The following LRRC4C variants were observed in gnomAD, a reference collection of about 807,000 sequenced individuals.
LRRC4C encodes leucine rich repeat containing 4C.
In LRRC4C, 5 loss-of-function variants were observed where a neutral mutation model predicts 33.6. The observed-to-expected ratio is 0.15, with a 90% CI of 0.08 to 0.31. LRRC4C has a LOEUF of 0.31. LRRC4C is among the 10% of genes least tolerant of loss of function. The pLI is 1.00. For synonymous variants in LRRC4C, 329 were observed against 302.0 expected, an observed-to-expected ratio of 1.09 and a Z score of -0.93; for missense variants, 560 against 796.7, an observed-to-expected ratio of 0.70 and a Z score of 3.58.
intron 3 of LRRC4C, among the ~76,000 whole-genome samples, chr11:40,495,429 G>C (rs931758557): frequency 2.0e-5 from 3 of 152,134 alleles, no homozygotes; most frequent in Middle Eastern, 3.2e-3. Context: ...CCTTTGAGTA[G>C]ATTAATATAC....
intron 6 of LRRC4C, among the ~76,000 whole-genome samples, chr11:40,123,441 A>G (rs2927201): frequency 0.92 from 140,074 of 152,130 alleles, 64,548 homozygotes; most frequent in Admixed American, 0.96. Context: ...ATTTCTAAAT[A>G]CCAATCGCAA....
At chr11:41,214,707 G>A (rs1454792994) in intron 1 of LRRC4C, among the ~76,000 whole-genome samples, 4 of 146,986 alleles carry the variant, frequency 2.7e-5, no homozygotes, top group African/African-American at 7.5e-5. Context: ...CCGAGATCAC[G>A]CCACTGCACT....
rs72885199 is a variant in LRRC4C, at chr11:40,555,564, C to T, written c.-270+92578G>A. ...GAATCAAAGAACATTTAGCAAGTTC[C>T]CTGACAGCTCTCAAGAAACAATTAG... On this transcript the variant is annotated intron_variant, in intron 3 of 6. Transcript: ENST00000528697. Among the ~76,000 whole-genome samples the T allele has an allele frequency of 3.6e-3, 546 of 152,274 alleles. 2 individuals are homozygous for T. Among genetic ancestry groups the T allele is most frequent in the Non-Finnish European group, 6.0e-3 (406 of 68,028 alleles).
intron 1 of LRRC4C, among the ~76,000 whole-genome samples, chr11:40,942,404 G>C (rs1312700524): frequency 1.3e-5 from 2 of 152,158 alleles, no homozygotes; most frequent in East Asian, 3.8e-4. Context: ...ACTTTAGAAA[G>C]TGCTGCAGTT....
chr11:40,428,156 A>T (rs886323960), intron 3 of LRRC4C, among the ~76,000 whole-genome samples: 8 of 150,360 alleles, frequency 5.3e-5, no homozygotes, highest in Non-Finnish European at 8.9e-5. Flanking sequence ...AATTCTTTAA[A>T]TTTTTTTTTT....
At chr11:40,155,940 C>G (rs1027686187) in intron 5 of LRRC4C, among the ~76,000 whole-genome samples, 1 of 152,054 alleles carries the variant, frequency 6.6e-6, no homozygotes, top group African/African-American at 2.4e-5. Flanking sequence ...AATATAGATG[C>G]TAAAATCCTT....
At chr11:40,280,643 G>A (rs1204611900) in intron 4 of LRRC4C, among the ~76,000 whole-genome samples, 1 of 152,162 alleles carries the variant, frequency 6.6e-6, no homozygotes, top group East Asian at 1.9e-4. Flanking sequence ...GACCTGCAAT[G>A]CATGCTAATC....
intron 3 of LRRC4C, among the ~76,000 whole-genome samples, chr11:40,587,116 G>T (rs1343054333): frequency 6.6e-6 from 1 of 151,974 alleles, no homozygotes; most frequent in Non-Finnish European, 1.5e-5. Context: ...AGCATGGAAT[G>T]TTCTTCCATT....
At chr11:40,532,467 T>C (rs1035865079) in intron 3 of LRRC4C, among the ~76,000 whole-genome samples, 1 of 151,806 alleles carries the variant, frequency 6.6e-6, no homozygotes, top group Admixed American at 6.6e-5. Flanking sequence ...ATATAGCCTA[T>C]GGGTAGGAAG....
intron 4 of LRRC4C, among the ~76,000 whole-genome samples, chr11:40,299,293 C>T (rs1944660253): frequency 6.6e-6 from 1 of 152,178 alleles, no homozygotes; most frequent in Non-Finnish European, 1.5e-5. Flanking sequence ...GATGCTGTCT[C>T]AGGAATGGCT....
chr11:40,552,095 C>A (rs1057327734), intron 3 of LRRC4C, among the ~76,000 whole-genome samples: 1 of 152,206 alleles, frequency 6.6e-6, no homozygotes, highest in Non-Finnish European at 1.5e-5. Flanking sequence ...GGGTCTCCAG[C>A]CTGCAGGCCT....
At chr11:40,170,997 T>C (rs933685811) in intron 5 of LRRC4C, among the ~76,000 whole-genome samples, 4 of 152,184 alleles carry the variant, frequency 2.6e-5, no homozygotes, top group Admixed American at 2.6e-4. Context: ...AGGCTCCCTT[T>C]ATCCAGAGCA....
chr11:41,341,180 A>AGG lies in LRRC4C; in HGVS notation c.-496+118250_-496+118251insCC, dbSNP rs1183401854. Among the ~76,000 whole-genome samples, 233 of 151,992 alleles carry AGG rather than the reference A, an allele frequency of 1.5e-3. 6 individuals carry two copies. Among genetic ancestry groups the AGG allele is most frequent in the Non-Finnish European group, 4.7e-4 (32 of 67,970 alleles). On this transcript the variant is annotated intron_variant, in intron 1 of 6. Coordinates refer to ENST00000528697, the MANE Select transcript of LRRC4C (RefSeq NM_001258419.2). The stretch of plus-strand genomic sequence containing the variant: ...AGTGTGTTAGGTGAGGATGTTACTT[A>AGG]AGAAAACAAGTACCAGAGAAAAAGA...
chr11:40,233,460 G>A (rs1166937396), intron 5 of LRRC4C, among the ~76,000 whole-genome samples: 2 of 152,114 alleles, frequency 1.3e-5, no homozygotes, highest in Non-Finnish European at 2.9e-5. Context: ...AATAAATACT[G>A]TTAATCAGCT....
At chr11:41,445,865 C>CGTGTGTGTGT (rs748457357) in intron 1 of LRRC4C, among the ~76,000 whole-genome samples, 1,947 of 135,532 alleles carry the variant, frequency 0.014, 43 homozygotes, top group African/African-American at 0.033. Flanking sequence ...TGAGTGACTG[C>CGTGTGTGTGT]ATGTGTGTGT....
intron 3 of LRRC4C, among the ~76,000 whole-genome samples, chr11:40,337,412 A>G (rs1946677153): frequency 6.6e-6 from 1 of 152,200 alleles, no homozygotes; most frequent in South Asian, 2.1e-4. Flanking sequence ...CTGAGATATC[A>G]TTTATGAAGC....
At chr11:40,204,360 C>T (rs900880928) in intron 5 of LRRC4C, among the ~76,000 whole-genome samples, 5 of 152,162 alleles carry the variant, frequency 3.3e-5, no homozygotes, top group African/African-American at 1.2e-4. Flanking sequence ...CTTAAGCAGG[C>T]TTCTTCCTGA....
At chr11:40,495,628 T>G (rs1423877239) in intron 3 of LRRC4C, among the ~76,000 whole-genome samples, 1 of 152,040 alleles carries the variant, frequency 6.6e-6, no homozygotes, top group Admixed American at 6.6e-5. Flanking sequence ...AGACCCTATC[T>G]AGTTGGTGAC....
Position 40,658,063 on chromosome 11 carries a change from A to G in LRRC4C, c.-406-9785T>C, listed in dbSNP as rs1256189817. ...TCCACATACCTGAATCAAAGAGTCA[A>G]TATTTTCTAAGAAGCAAAACATCAT... On this transcript the variant is annotated intron_variant, in intron 2 of 6. Coordinates refer to ENST00000528697, the MANE Select transcript of LRRC4C (RefSeq NM_001258419.2). Among the ~76,000 whole-genome samples the G allele has an allele frequency of 2.0e-5, 3 of 152,362 alleles. No homozygotes were observed. In the East Asian group the frequency reaches 5.8e-4, roughly 29 times the overall value.
Sources: allele counts gnomAD v4.1 joint callset (sites outside exome capture counted in the v4.1 genomes callset), GRCh38; gene constraint gnomAD v4.1.1; transcripts MANE v1.5; gene names NCBI Gene and HGNC (gene_info 2026-07-23, HGNC 2026-07-21).